The following THRB variants were observed in gnomAD, a reference collection of about 807,000 sequenced individuals.
The protein encoded by THRB is nuclear receptor subfamily 1 group A member 2.
THRB carries 12 observed loss-of-function variants against 47.8 expected under a neutral mutation model. The ratio of observed to expected loss-of-function variants is 0.25; its 90% CI spans 0.16 to 0.41. The LOEUF (loss-of-function observed/expected upper bound fraction) is 0.41. Ranked by LOEUF, THRB falls within the 10% of genes least tolerant of loss-of-function variation. The probability of loss-of-function intolerance (pLI) is 1.00; values close to 1 mark genes in which losing one functional copy is unlikely to be tolerated. For missense variants in THRB, 348 were observed against 589.2 expected (o/e 0.59, Z 4.24); for synonymous variants, 218 against 212.2 (o/e 1.03, Z -0.24).
chr3:24,399,530 T>C (rs1050464666), intron 1 of THRB, among the ~76,000 whole-genome samples: 1 of 152,068 alleles, frequency 6.6e-6, no homozygotes, highest in Non-Finnish European at 1.5e-5. Flanking sequence ...CCTCTGAGCT[T>C]GAGGCCCTGT....
chr3:24,326,756 CTTTTTTTTTTTTT>C (rs1174687260), intron 2 of THRB, among the ~76,000 whole-genome samples: 5 of 50,004 alleles, frequency 1.0e-4, no homozygotes, highest in Middle Eastern at 0.016. Flanking sequence ...CCAGTCTTGT[CTTTTTTTTTTTTT>C]TTTTTTTTTT....
intron 3 of THRB, among the ~76,000 whole-genome samples, chr3:24,241,001 C>T (rs910194333): frequency 2.6e-5 from 4 of 152,124 alleles, no homozygotes; most frequent in Non-Finnish European, 4.4e-5. Context: ...TTACTCTGGC[C>T]AACACGTCCA....
At chr3:24,402,949 G>A (rs2067535415) in intron 1 of THRB, among the ~76,000 whole-genome samples, 1 of 151,942 alleles carries the variant, frequency 6.6e-6, no homozygotes, top group Admixed American at 6.6e-5. Context: ...ATCACCTAGA[G>A]TGACCTTATT....
chr3:24,244,174 T>C (rs1240990697), intron 3 of THRB, among the ~76,000 whole-genome samples: 2 of 152,128 alleles, frequency 1.3e-5, no homozygotes, highest in African/African-American at 4.8e-5. Context: ...GAGACTGTGG[T>C]GACGGCAGTA....
intron 5 of THRB, among the ~76,000 whole-genome samples, chr3:24,164,771 A>T (rs2039408108): frequency 6.6e-6 from 1 of 152,214 alleles, no homozygotes; most frequent in South Asian, 2.1e-4. Flanking sequence ...CACTTTGGGC[A>T]ATATATACAC....
intron 1 of THRB, among the ~76,000 whole-genome samples, chr3:24,469,980 A>G (rs2074438239): frequency 6.6e-6 from 1 of 152,242 alleles, no homozygotes; most frequent in South Asian, 2.1e-4. Flanking sequence ...AAGGTTAGTT[A>G]GTCCAGCTTC....
chr3:24,162,147 G>A (rs1482575773), intron 5 of THRB, among the ~76,000 whole-genome samples: 3 of 151,610 alleles, frequency 2.0e-5, no homozygotes, highest in Non-Finnish European at 4.4e-5. Flanking sequence ...GATGGAAACA[G>A]CTAGCACTTC....
At chr3:24,484,611 T>C (rs1697011513) in intron 1 of THRB, among the ~76,000 whole-genome samples, 1 of 152,176 alleles carries the variant, frequency 6.6e-6, no homozygotes, top group Admixed American at 6.5e-5. Context: ...TTAGACAGTG[T>C]TGGGCTACCA....
intron 2 of THRB, among the ~76,000 whole-genome samples, chr3:24,331,505 T>A (rs2061926340): frequency 6.6e-6 from 1 of 152,172 alleles, no homozygotes; most frequent in South Asian, 2.1e-4. Flanking sequence ...GCCTGTAATT[T>A]AGCCTCTTTT....
At chr3:24,283,789 AACAG>A (rs1242600421) in intron 3 of THRB, among the ~76,000 whole-genome samples, 2 of 152,082 alleles carry the variant, frequency 1.3e-5, no homozygotes, top group African/African-American at 4.8e-5. Context: ...ATACACCAGT[AACAG>A]ACAGAGAGCC....
chr3:24,474,852 G>A (rs1695212228), intron 1 of THRB, among the ~76,000 whole-genome samples: 1 of 152,168 alleles, frequency 6.6e-6, no homozygotes, highest in African/African-American at 2.4e-5. Context: ...GTATCAGATA[G>A]GTGACTGCTG....
intron 3 of THRB, among the ~76,000 whole-genome samples, chr3:24,283,115 G>A (rs1470370272): frequency 4.4e-3 from 559 of 126,982 alleles, no homozygotes; most frequent in South Asian, 8.2e-3. Context: ...CCAAAGCCGG[G>A]CAGAGACACA....
At chr3:24,193,290 G>A (rs142732866) in intron 4 of THRB, among the ~76,000 whole-genome samples, 33 of 152,276 alleles carry the variant, frequency 2.2e-4, no homozygotes, top group African/African-American at 7.7e-4. Context: ...ATGTGTATCA[G>A]TATCACCTGA....
intron 1 of THRB, among the ~76,000 whole-genome samples, chr3:24,358,595 T>C (rs1159840655): frequency 1.3e-5 from 2 of 152,200 alleles, no homozygotes; most frequent in African/African-American, 2.4e-5. Flanking sequence ...ATTTACACTA[T>C]ACTTTCCAGT....
At chr3:24,335,017 C>T (rs566620936) in intron 2 of THRB, among the ~76,000 whole-genome samples, 1 of 152,292 alleles carries the variant, frequency 6.6e-6, no homozygotes, top group Non-Finnish European at 1.5e-5. Flanking sequence ...AAGCCCAATA[C>T]CTAAACAGAT....
chr3:24,488,584 C>T (rs947064019), intron 1 of THRB, among the ~76,000 whole-genome samples: 7 of 150,708 alleles, frequency 4.6e-5, no homozygotes, highest in South Asian at 2.1e-4. Context: ...CTCTAAATCA[C>T]GATTGTCTCA....
chr3:24,160,976 G>A (rs1486854450), intron 5 of THRB, among the ~76,000 whole-genome samples: 3 of 152,214 alleles, frequency 2.0e-5, no homozygotes, highest in East Asian at 1.9e-4. Context: ...TGAGGTTAGG[G>A]CATTCAGTGA....
chr3:24,306,727 G>C (rs1049734550), intron 2 of THRB, among the ~76,000 whole-genome samples: 1 of 152,096 alleles, frequency 6.6e-6, no homozygotes, highest in Non-Finnish European at 1.5e-5. Context: ...CAAAGTCTTT[G>C]AATTGGCACA....
intron 1 of THRB, among the ~76,000 whole-genome samples, chr3:24,490,197 T>G (rs561940559): frequency 1.3e-5 from 2 of 152,152 alleles, no homozygotes; most frequent in African/African-American, 2.4e-5. Context: ...AGTAGATACA[T>G]AAATATTTGT....
Sources: gnomAD v4.1 joint callset for allele counts (sites outside exome capture counted in the v4.1 genomes callset) on GRCh38, gnomAD v4.1.1 for gene constraint, MANE v1.5 for transcripts, NCBI Gene and HGNC (gene_info 2026-07-23, HGNC 2026-07-21) for gene names.